The following SOAT1 variants were observed in gnomAD, a reference collection of about 807,000 sequenced individuals.
SOAT1 encodes the protein acyl-coenzyme A:cholesterol acyltransferase 1.
In SOAT1, 55 loss-of-function variants were observed where a neutral mutation model predicts 69.5. The observed-to-expected ratio is 0.79, with a 90% CI of 0.64 to 0.99. The LOEUF is 0.99. Among genes scored for constraint, SOAT1 ranks in the 50% least tolerant of loss-of-function variants. The pLI is 0.00. For missense variants in SOAT1, 580 were observed against 669.3 expected (o/e 0.87, Z 1.47); for synonymous variants, 231 against 224.7 (o/e 1.03, Z -0.25).
At chr1:179,347,249 T>G (rs1189229413) in intron 11 of SOAT1, among the ~76,000 whole-genome samples, 1 of 150,738 alleles carries the variant, frequency 6.6e-6, no homozygotes, top group Non-Finnish European at 1.5e-5. Context: ...TTCCAGCTAC[T>G]TGGGAGGCTG....
At position 179,322,294 on chromosome 1, in the gene SOAT1, C is replaced by T. The variant is rs528008363; in HGVS notation, c.119-1143C>T. On this transcript the variant is annotated intron_variant, in intron 2 of 15. Transcript: ENST00000367619. ...CATTATCTTTAGTTTTTCAGATCTG[C>T]ATCTCTTGGCTTTTGTTTCTGCTGT... Among the ~76,000 whole-genome samples the T allele has an allele frequency of 2.0e-4, 31 of 152,194 alleles. No individual in the cohort carries two copies. In the South Asian group the frequency reaches 2.5e-3, roughly 12 times the overall value.
chr1:179,351,421 T>C lies in SOAT1; in HGVS notation c.1555T>C (p.Ser519Pro), dbSNP rs752469033. ...CAATGGAGTCTTACTCTGCTTTTATTCTCAAGAATGGTATGCACGTCAGCA... is the reference window on the plus strand; with the variant it reads ...CAATGGAGTCTTACTCTGCTTTTATCCTCAAGAATGGTATGCACGTCAGCA... ...LGNGVLLCFY[S>P]QEWYARQHCP... is the part of the protein sequence containing the mutation. Residue 519 changes from serine to proline, a missense_variant, in exon 15 of 16, where the codon TCT (serine) becomes CCT (proline). Coordinates refer to ENST00000367619, the MANE Select transcript of SOAT1 (RefSeq NM_003101.6). 1 of 1,614,140 alleles carries C rather than the reference T, an allele frequency of 6.2e-7. No individual in the cohort carries two copies. The highest frequency in any genetic ancestry group is 8.5e-7 in the Non-Finnish European group (1 of 1,180,008).
At chr1:179,307,431 G>C (rs1665044807) in intron 2 of SOAT1, among the ~76,000 whole-genome samples, 1 of 152,164 alleles carries the variant, frequency 6.6e-6, no homozygotes, top group African/African-American at 2.4e-5. Context: ...TTGTAAAGGT[G>C]ATGTCCGTTC....
chr1:179,337,174 C>T (rs1666189036), intron 4 of SOAT1, among the ~76,000 whole-genome samples: 1 of 151,978 alleles, frequency 6.6e-6, no homozygotes, highest in Non-Finnish European at 1.5e-5. Flanking sequence ...AGTTTTATGC[C>T]CCTGTTTGGA....
At chr1:179,313,174 G>A (rs1000401571) in intron 2 of SOAT1, among the ~76,000 whole-genome samples, 4 of 152,176 alleles carry the variant, frequency 2.6e-5, no homozygotes, top group Non-Finnish European at 4.4e-5. Flanking sequence ...AAACGTGGCC[G>A]TGTTCATTCT....
Position 179,355,052 on chromosome 1 carries a change from C to A in SOAT1, c.*1411C>A, listed in dbSNP as rs1666864030. ...ACAACTTAATTTGAACCACAAGTAT[C>A]CAGCTTAATCACGTATCTTACTCAC... On this transcript the variant is annotated 3_prime_UTR_variant, in exon 16 of 16. Transcript: ENST00000367619. The A allele has an allele frequency of 6.6e-6, 1 of 152,128 alleles. No homozygotes were observed. The highest frequency in any genetic ancestry group is 2.1e-4 in the South Asian group (1 of 4,836). The allele number at this position is 152,128 out of a possible 1,614,324, so 9.4% of individuals were successfully genotyped here.
In SOAT1 at chr1:179,323,461, T is replaced by G; in HGVS notation, c.143T>G (p.Ile48Arg). The G allele has an allele frequency of 6.2e-7, 1 of 1,613,922 alleles. No homozygotes were observed. Among genetic ancestry groups the G allele is most frequent in the Non-Finnish European group, 8.5e-7 (1 of 1,179,934 alleles). ...GGTCGAATTGACATAAAACAGTTGA[T>G]AGCAAAGAAGATAAAGTTGACAGCA... ...SNGRIDIKQL[I>R]AKKIKLTAEA... The change falls in exon 3 of 16, where the codon ATA (isoleucine) becomes AGA (arginine). Residue 48 changes from isoleucine (I) to arginine (R), a missense_variant. Physicochemically the swap from Ile to Arg is moderately conservative, Grantham distance 97 (BLOSUM62 -3). Transcript: ENST00000367619.
intron 2 of SOAT1, among the ~76,000 whole-genome samples, chr1:179,306,596 G>A (rs1287783109): frequency 6.6e-6 from 1 of 152,080 alleles, no homozygotes; most frequent in African/African-American, 2.4e-5. Context: ...ATTTTGGGAG[G>A]CCGAGGTGGG....
Position 179,337,906 on chromosome 1 carries a change from T to C in SOAT1, c.389+10T>C. The C allele has an allele frequency of 6.3e-7, 1 of 1,575,626 alleles. No individual in the cohort carries two copies. The highest frequency in any genetic ancestry group is 8.6e-7 in the Non-Finnish European group (1 of 1,157,470). On this transcript the variant is annotated intron_variant, in intron 5 of 15. Coordinates refer to ENST00000367619, the MANE Select transcript of SOAT1 (RefSeq NM_003101.6). ...GGCGCTCTCTCTTAGAGTGAGTATT[T>C]TTAGTTGTTTTTAAATATGTTTGAT... is the stretch of plus-strand genomic sequence containing the variant.
intron 11 of SOAT1, among the ~76,000 whole-genome samples, chr1:179,346,741 A>G (rs1288113116): frequency 6.6e-6 from 1 of 152,094 alleles, no homozygotes; most frequent in East Asian, 1.9e-4. Context: ...CCTGGCCTCT[A>G]ACAACTAGAT....
chr1:179,344,340 C>T (rs1187215215), intron 10 of SOAT1, among the ~76,000 whole-genome samples: 26 of 101,494 alleles, frequency 2.6e-4, no homozygotes, highest in African/African-American at 3.5e-4. Flanking sequence ...GAAGTAAGTT[C>T]TTTCATTAAG....
chr1:179,342,190 C>T lies in SOAT1; in HGVS notation c.857C>T (p.Ser286Leu), dbSNP rs143353203. 2.0e-5 allele frequency: 32 copies of T among 1,609,222 alleles called. No individual in the cohort carries two copies. The highest frequency in any genetic ancestry group is 1.6e-4 in the East Asian group (7 of 44,734). Residue 286 changes from serine (S) to leucine (L), a missense_variant and splice_region_variant, in exon 8 of 16, where the codon TCA becomes TTA. Physicochemically the swap from Ser to Leu is moderately radical, Grantham distance 145. Coordinates refer to ENST00000367619, the MANE Select transcript of SOAT1 (RefSeq NM_003101.6). ...GTACTAAATTCAGCTAAGGAGAAAT[C>T]AAGTATGTAATTTCTTTTGTTCATT... Reference protein sequence around the residue: ...PRVLNSAKEKSSTVPIPTVNQ... With the variant: ...PRVLNSAKEKLSTVPIPTVNQ...
intron 3 of SOAT1, among the ~76,000 whole-genome samples, chr1:179,329,121 A>T (rs1488557157): frequency 6.6e-6 from 1 of 151,920 alleles, no homozygotes; most frequent in Non-Finnish European, 1.5e-5. Context: ...GTTTTTTCAC[A>T]TCAGTACCTT....
At position 179,356,328 on chromosome 1, in the gene SOAT1, T is replaced by C. The variant is rs72717517; in HGVS notation, c.*2687T>C. On this transcript the variant is annotated 3_prime_UTR_variant, in exon 16 of 16. Coordinates refer to ENST00000367619, the MANE Select transcript of SOAT1 (RefSeq NM_003101.6). ...CCTTTATGTGTGAGGATAAATTTGT[T>C]AGATCCTTTTATTCTCAATCTTGGA... 17,379 of 152,148 alleles carry C rather than the reference T, an allele frequency of 0.11. 1,581 individuals carry two copies. The highest frequency in any genetic ancestry group is 0.25 in the African/African-American group (10,253 of 41,474). 9.4% of individuals were successfully genotyped at this position (152,148 alleles called of 1,614,324 possible).
Position 179,335,639 on chromosome 1 carries a change from A to G in SOAT1, c.311A>G (p.Lys104Arg). 6.2e-7 allele frequency: 1 copy of G among 1,613,232 alleles called. No homozygotes were observed. The highest frequency in any genetic ancestry group is 1.1e-5 in the South Asian group (1 of 90,852). The change falls in exon 4 of 16, where the codon AAA becomes AGA. Residue 104 changes from lysine (K) to arginine (R), a missense_variant. By Grantham distance (26) the Lys-to-Arg change is conservative (BLOSUM62 2). Transcript: ENST00000367619. ...LTTFSVLEGE[K>R]NNHRAKDLRA... ...ACCTTTTCTGTTCTTGAAGGAGAGA[A>G]AAACAACCATAGAGCGAAGTAAGTA... is the stretch of plus-strand genomic sequence containing the variant.
Position 179,310,339 on chromosome 1 carries a change from G to T in SOAT1, c.118+7537G>T, listed in dbSNP as rs570055485. Among the ~76,000 whole-genome samples, 7 of 149,980 alleles carry T rather than the reference G, an allele frequency of 4.7e-5. No homozygotes were observed. In the South Asian group the frequency reaches 1.5e-3, roughly 31 times the overall value. On this transcript the variant is annotated intron_variant, in intron 2 of 15. Transcript: ENST00000367619. ...CATATGAAATTTATTTTTGAGTGATGCATTCATCATTGGGGATCTAATTTT... is the reference window on the plus strand; with the variant it reads ...CATATGAAATTTATTTTTGAGTGATTCATTCATCATTGGGGATCTAATTTT...
In SOAT1 at chr1:179,358,279, G is replaced by A. The variant is rs886793883; in HGVS notation, c.*4638G>A. On this transcript the variant is annotated 3_prime_UTR_variant, in exon 16 of 16. Coordinates refer to ENST00000367619, the MANE Select transcript of SOAT1 (RefSeq NM_003101.6). The stretch of plus-strand genomic sequence containing the variant: ...AACTTCTGTACTGTTTTTTTCTTAA[G>A]TGCTCTCTTCCTTATTTCTACATTA... 1.3e-5 allele frequency: 2 copies of A among 151,940 alleles called. No homozygotes were observed. Among genetic ancestry groups the A allele is most frequent in the Non-Finnish European group, 2.9e-5 (2 of 67,978 alleles). The allele number at this position is 151,940 out of a possible 1,614,324, so 9.4% of individuals were successfully genotyped here.
intron 1 of SOAT1, among the ~76,000 whole-genome samples, chr1:179,295,591 A>G (rs1189238559): frequency 1.3e-5 from 2 of 152,240 alleles, no homozygotes; most frequent in Non-Finnish European, 2.9e-5. Flanking sequence ...TCCCCACTTA[A>G]CTGCTTTCTG....
At chr1:179,346,016 G>T (rs1417452847) in intron 11 of SOAT1, among the ~76,000 whole-genome samples, 1 of 152,116 alleles carries the variant, frequency 6.6e-6, no homozygotes, top group Non-Finnish European at 1.5e-5. Flanking sequence ...TTTACAGTCT[G>T]GGAGCTTTTA....
Sources: gnomAD v4.1 joint callset for allele counts (sites outside exome capture counted in the v4.1 genomes callset) on GRCh38, gnomAD v4.1.1 for gene constraint, MANE v1.5 for transcripts, NCBI Gene and HGNC (gene_info 2026-07-23, HGNC 2026-07-21) for gene names.